The following SIK2 variants were observed in gnomAD, a reference collection of about 807,000 sequenced individuals.
SIK2 encodes the protein salt inducible kinase 2.
A neutral mutation model predicts 103.2 loss-of-function variants in SIK2; 29 were observed. The observed-to-expected ratio is 0.28, with a 90% confidence interval of 0.21 to 0.38. The LOEUF (loss-of-function observed/expected upper bound fraction) is 0.38, where lower values mean the gene tolerates loss of function less well. Among genes scored for constraint, SIK2 ranks in the 10% least tolerant of loss-of-function variants. The pLI is 1.00. For missense variants in SIK2, 879 were observed against 1,171.0 expected (o/e 0.75, Z 3.64); for synonymous variants, 412 against 446.1 (o/e 0.92, Z 0.96).
chr11:111,669,627 C>T (rs1200916953), intron 3 of SIK2, among the ~76,000 whole-genome samples: 1 of 137,830 alleles, frequency 7.3e-6, no homozygotes, highest in Non-Finnish European at 1.6e-5. Flanking sequence ...GAAAAGTTTT[C>T]CCACACCAAA....
intron 6 of SIK2, among the ~76,000 whole-genome samples, chr11:111,702,450 G>GT (rs1943236010): frequency 6.6e-6 from 1 of 152,188 alleles, no homozygotes; most frequent in African/African-American, 2.4e-5. Context: ...TTAGCCGGGT[G>GT]TGGTGGCATG....
intron 3 of SIK2, among the ~76,000 whole-genome samples, chr11:111,674,614 A>G (rs1195114584): frequency 6.6e-6 from 1 of 152,250 alleles, no homozygotes; most frequent in East Asian, 1.9e-4. Context: ...TAGTTAAGGA[A>G]CATAAAATAC....
intron 1 of SIK2, among the ~76,000 whole-genome samples, chr11:111,608,655 C>T (rs983942796): frequency 3.3e-5 from 5 of 152,150 alleles, no homozygotes; most frequent in Non-Finnish European, 7.4e-5. Flanking sequence ...AGTATTTGTG[C>T]ATTTGACTAT....
At chr11:111,619,576 C>G (rs1420003105) in intron 2 of SIK2, among the ~76,000 whole-genome samples, 1 of 152,038 alleles carries the variant, frequency 6.6e-6, no homozygotes, top group African/African-American at 2.4e-5. Context: ...AACTCCTGAC[C>G]TCAAGTGATC....
intron 3 of SIK2, among the ~76,000 whole-genome samples, chr11:111,643,123 T>A (rs1375365560): frequency 1.3e-5 from 2 of 152,218 alleles, no homozygotes; most frequent in Non-Finnish European, 2.9e-5. Context: ...GTATCTTTCT[T>A]CAACCCACTG....
intron 3 of SIK2, among the ~76,000 whole-genome samples, chr11:111,674,861 C>G (rs1357714007): frequency 6.6e-6 from 1 of 152,166 alleles, no homozygotes; most frequent in Non-Finnish European, 1.5e-5. Flanking sequence ...ATTCTCCTGC[C>G]TCAGCCTCCC....
chr11:111,616,671 T>C (rs1941810583), intron 2 of SIK2, among the ~76,000 whole-genome samples: 1 of 151,990 alleles, frequency 6.6e-6, no homozygotes, highest in African/African-American at 2.4e-5. Flanking sequence ...ACCCCATCTC[T>C]ACCAAAAAAT....
chr11:111,714,721 A>G (rs909304517), intron 9 of SIK2, among the ~76,000 whole-genome samples: 5 of 152,218 alleles, frequency 3.3e-5, no homozygotes, highest in Non-Finnish European at 7.3e-5. Context: ...CCATGAGTTC[A>G]GCCAAGCGTA....
intron 3 of SIK2, among the ~76,000 whole-genome samples, chr11:111,666,891 T>A (rs1050636237): frequency 3.9e-5 from 6 of 152,182 alleles, no homozygotes; most frequent in African/African-American, 1.2e-4. Context: ...TCATGACATA[T>A]TTACACTCTG....
At chr11:111,709,444 C>A (rs1943438485) in intron 8 of SIK2, among the ~76,000 whole-genome samples, 1 of 152,136 alleles carries the variant, frequency 6.6e-6, no homozygotes, top group African/African-American at 2.4e-5. Context: ...AACGATTTTC[C>A]CATAGGAAAG....
chr11:111,642,835 A>C (rs1317751981), intron 3 of SIK2, among the ~76,000 whole-genome samples: 1 of 152,172 alleles, frequency 6.6e-6, no homozygotes, highest in African/African-American at 2.4e-5. Flanking sequence ...GGCTTGTTAC[A>C]AGTAACAAAA....
At chr11:111,666,943 T>TTTTATTTATTTATTTA (rs57641391) in intron 3 of SIK2, among the ~76,000 whole-genome samples, 24 of 145,466 alleles carry the variant, frequency 1.6e-4, no homozygotes, top group African/African-American at 5.9e-4. Context: ...TTTTATTTTA[T>TTTTATTTATTTATTTA]TTTATTTATT....
chr11:111,648,843 TCTGG>T (rs1381630866), intron 3 of SIK2, among the ~76,000 whole-genome samples: 3 of 152,128 alleles, frequency 2.0e-5, no homozygotes, highest in Non-Finnish European at 4.4e-5. Flanking sequence ...TGTATTTTCA[TCTGG>T]AACAAAAATG....
rs1020517649 is a variant in SIK2, at chr11:111,705,509, G to A, written c.1101+370G>A. Among the ~76,000 whole-genome samples the A allele has an allele frequency of 3.3e-5, 5 of 152,044 alleles. No homozygotes were observed. The highest frequency in any genetic ancestry group is 4.2e-4 in the South Asian group (2 of 4,812). On this transcript the variant is annotated intron_variant, in intron 8 of 14. Transcript: ENST00000304987. The surrounding 1 kb of genome is among the most constrained non-coding windows in gnomAD (Gnocchi z 4.3). ...CAGTCACTGCCCTCAGAGACATCGC[G>A]CTATAAAAATGAAATAAGACAAGAT...
At chr11:111,635,675 G>A (rs966140943) in intron 3 of SIK2, among the ~76,000 whole-genome samples, 6 of 152,324 alleles carry the variant, frequency 3.9e-5, no homozygotes, top group African/African-American at 1.2e-4. Context: ...CATATGTTTG[G>A]AAATACAAGC....
In SIK2 at chr11:111,705,504, A is replaced by G. The variant is rs1163855045; in HGVS notation, c.1101+365A>G. Among the ~76,000 whole-genome samples the G allele has an allele frequency of 1.3e-5, 2 of 152,190 alleles. No individual in the cohort carries two copies. The highest frequency in any genetic ancestry group is 2.9e-5 in the Non-Finnish European group (2 of 68,026). On this transcript the variant is annotated intron_variant, in intron 8 of 14. Transcript: ENST00000304987. The surrounding 1 kb of genome is among the most constrained non-coding windows in gnomAD (Gnocchi z 4.3). ...AACTACAGTCACTGCCCTCAGAGACATCGCGCTATAAAAATGAAATAAGAC... is the reference window on the plus strand; with the variant it reads ...AACTACAGTCACTGCCCTCAGAGACGTCGCGCTATAAAAATGAAATAAGAC...
At chr11:111,713,611 A>AG (rs763594217) in intron 9 of SIK2, among the ~76,000 whole-genome samples, 26 of 152,222 alleles carry the variant, frequency 1.7e-4, no homozygotes, top group Non-Finnish European at 3.8e-4. Flanking sequence ...AGTCCACTAT[A>AG]GCCTAGCAGA....
chr11:111,646,513 T>C (rs1328146033), intron 3 of SIK2, among the ~76,000 whole-genome samples: 4 of 152,188 alleles, frequency 2.6e-5, no homozygotes, highest in Non-Finnish European at 4.4e-5. Context: ...TATTAACCCA[T>C]GAAGCCATCA....
intron 4 of SIK2, among the ~76,000 whole-genome samples, chr11:111,694,545 C>G (rs768098609): frequency 4.0e-5 from 6 of 151,752 alleles, no homozygotes; most frequent in Non-Finnish European, 8.8e-5. Flanking sequence ...AGATTTGTCC[C>G]CTAGAACTGA....
Sources: allele counts gnomAD v4.1 joint callset (sites outside exome capture counted in the v4.1 genomes callset), GRCh38; gene constraint gnomAD v4.1.1; non-coding constraint Gnocchi (gnomAD v3.1); transcripts MANE v1.5; gene names NCBI Gene and HGNC (gene_info 2026-07-23, HGNC 2026-07-21).